The following STXBP6 variants were observed in gnomAD, a reference collection of about 807,000 sequenced individuals.
STXBP6 encodes syntaxin-binding protein 6.
A neutral mutation model predicts 26.9 loss-of-function variants in STXBP6; 21 were observed. That is an observed-to-expected ratio of 0.78 (90% CI 0.55 to 1.12). The LOEUF (loss-of-function observed/expected upper bound fraction) is 1.12, where lower values mean the gene tolerates loss of function less well. STXBP6 is among the 50% of genes most tolerant of loss of function. The pLI is 0.00. For synonymous variants in STXBP6, 97 were observed against 92.6 expected (o/e 1.05, Z -0.27); for missense variants, 232 against 257.9 (o/e 0.90, Z 0.69).
intron 1 of STXBP6, among the ~76,000 whole-genome samples, chr14:25,012,340 T>G (rs2075049379): frequency 6.6e-6 from 1 of 152,194 alleles, no homozygotes; most frequent in South Asian, 2.1e-4. Context: ...AGAACATGCA[T>G]GCACACAGTC....
intron 4 of STXBP6, among the ~76,000 whole-genome samples, chr14:24,837,826 C>G (rs1057084770): frequency 1.3e-5 from 2 of 152,196 alleles, no homozygotes; most frequent in Admixed American, 6.5e-5. Flanking sequence ...TAAGAGATGT[C>G]TGCCAGACTG....
At chr14:24,977,834 C>T (rs1424259340) in intron 1 of STXBP6, among the ~76,000 whole-genome samples, 1 of 152,192 alleles carries the variant, frequency 6.6e-6, no homozygotes, top group Non-Finnish European at 1.5e-5. Flanking sequence ...ACCTTTCTCA[C>T]CCATCAGTGT....
At chr14:24,899,801 C>CAAAAAAAAAAAA (rs56666133) in intron 2 of STXBP6, among the ~76,000 whole-genome samples, 1 of 108,644 alleles carries the variant, frequency 9.2e-6, no homozygotes, top group Non-Finnish European at 1.7e-5. Context: ...AAAAAAAAAG[C>CAAAAAAAAAAAA]AAAAAAAAAA....
At chr14:24,877,194 A>G (rs932946538) in intron 2 of STXBP6, among the ~76,000 whole-genome samples, 1 of 152,228 alleles carries the variant, frequency 6.6e-6, no homozygotes, top group Non-Finnish European at 1.5e-5. Context: ...TTGGCTGGAC[A>G]TCTGCTAATT....
chr14:24,963,178 A>C (rs1463655465), intron 2 of STXBP6, among the ~76,000 whole-genome samples: 2 of 152,280 alleles, frequency 1.3e-5, no homozygotes, highest in East Asian at 1.9e-4. Flanking sequence ...AAAATCACGG[A>C]TCCAAGAACA....
At chr14:25,014,612 A>G (rs1307915715) in intron 1 of STXBP6, among the ~76,000 whole-genome samples, 2 of 152,254 alleles carry the variant, frequency 1.3e-5, no homozygotes, top group Non-Finnish European at 2.9e-5. Flanking sequence ...GTCCGTGTCC[A>G]CAGAACACTT....
chr14:25,024,744 TA>T (rs1353804092), intron 1 of STXBP6, among the ~76,000 whole-genome samples: 1 of 152,040 alleles, frequency 6.6e-6, no homozygotes, highest in African/African-American at 2.4e-5. Context: ...ATAATAATAA[TA>T]AAAAAAGATT....
chr14:24,860,300 A>G (rs2139217427), intron 2 of STXBP6, among the ~76,000 whole-genome samples: 1 of 152,328 alleles, frequency 6.6e-6, no homozygotes, highest in Middle Eastern at 3.4e-3. Context: ...AGACCATGTC[A>G]TAACAAATTG....
At chr14:24,937,174 A>G (rs1255747688) in intron 2 of STXBP6, among the ~76,000 whole-genome samples, 1 of 152,216 alleles carries the variant, frequency 6.6e-6, no homozygotes, top group African/African-American at 2.4e-5. Flanking sequence ...GCACTAGGAG[A>G]AATACCTAAT....
intron 1 of STXBP6, among the ~76,000 whole-genome samples, chr14:24,988,764 A>G (rs2074395361): frequency 6.6e-6 from 1 of 152,164 alleles, no homozygotes; most frequent in Non-Finnish European, 1.5e-5. Flanking sequence ...TCTGCAGGGA[A>G]CCATTTCTGC....
intron 2 of STXBP6, among the ~76,000 whole-genome samples, chr14:24,972,730 G>T (rs1364622875): frequency 6.6e-6 from 1 of 152,158 alleles, no homozygotes; most frequent in Non-Finnish European, 1.5e-5. Flanking sequence ...CCTGGGCTGG[G>T]TGTGATAGCT....
At chr14:24,833,366 A>G (rs895663640) in intron 4 of STXBP6, among the ~76,000 whole-genome samples, 1 of 152,192 alleles carries the variant, frequency 6.6e-6, no homozygotes, top group Non-Finnish European at 1.5e-5. Flanking sequence ...TCTCTAATGG[A>G]GCATTTATTA....
At chr14:24,907,819 C>G (rs758137420) in intron 2 of STXBP6, among the ~76,000 whole-genome samples, 6 of 151,752 alleles carry the variant, frequency 4.0e-5, no homozygotes, top group Non-Finnish European at 5.9e-5. Flanking sequence ...CCCTTGTTTT[C>G]CATTTCCTCT....
At chr14:24,941,559 A>G (rs567021106) in intron 2 of STXBP6, among the ~76,000 whole-genome samples, 125 of 152,298 alleles carry the variant, frequency 8.2e-4, no homozygotes, top group African/African-American at 2.9e-3. Context: ...GGGAGGAGGG[A>G]GCAGGAGGTT....
intron 1 of STXBP6, among the ~76,000 whole-genome samples, chr14:25,002,930 T>C (rs1292161914): frequency 6.6e-6 from 1 of 151,932 alleles, no homozygotes; most frequent in Non-Finnish European, 1.5e-5. Flanking sequence ...TTTCACCATG[T>C]TGGCCAGGTT....
chr14:24,866,988 C>T (rs1434929875), intron 2 of STXBP6, among the ~76,000 whole-genome samples: 4 of 152,040 alleles, frequency 2.6e-5, no homozygotes, highest in African/African-American at 4.8e-5. Context: ...CTTACACTAT[C>T]TGATTATATA....
intron 4 of STXBP6, among the ~76,000 whole-genome samples, chr14:24,831,727 G>T (rs1178138480): frequency 6.6e-6 from 1 of 152,150 alleles, no homozygotes; most frequent in Non-Finnish European, 1.5e-5. Flanking sequence ...GGTTCTTAGA[G>T]AAGTTTTACC....
chr14:24,878,975 C>T (rs1447612370), intron 2 of STXBP6, among the ~76,000 whole-genome samples: 1 of 152,110 alleles, frequency 6.6e-6, no homozygotes, highest in Non-Finnish European at 1.5e-5. Context: ...GACCACGTGC[C>T]TTAAACATGT....
intron 1 of STXBP6, among the ~76,000 whole-genome samples, chr14:25,021,777 C>T (rs1412094605): frequency 1.3e-5 from 2 of 152,206 alleles, no homozygotes; most frequent in African/African-American, 2.4e-5. Context: ...CCTAGGCCCC[C>T]TTTCTCTTTT....
Sources: gnomAD v4.1 joint callset for allele counts (sites outside exome capture counted in the v4.1 genomes callset) on GRCh38, gnomAD v4.1.1 for gene constraint, MANE v1.5 for transcripts, NCBI Gene and HGNC (gene_info 2026-07-23, HGNC 2026-07-21) for gene names.